Variants in SCUBE2 observed in about 807,000 individuals in gnomAD.
SCUBE2 encodes signal peptide, CUB and EGF-like domain-containing protein 2.
Under a neutral mutation model 125.9 loss-of-function variants are expected in SCUBE2, and 114 were observed. The observed-to-expected ratio is 0.91, with a 90% confidence interval of 0.78 to 1.06. The LOEUF (loss-of-function observed/expected upper bound fraction) is 1.06, where lower values mean the gene tolerates loss of function less well. SCUBE2 is among the 50% of genes least tolerant of loss of function. The pLI is 0.00. For missense variants in SCUBE2, 1,255 were observed against 1,301.8 expected (o/e 0.96, Z 0.55); for synonymous variants, 459 against 492.9 (o/e 0.93, Z 0.91).
rs1425668488 is a variant in SCUBE2 at position 9,091,268 on chromosome 11, G to A, written c.133+128C>T. On this transcript the variant is annotated intron_variant, in intron 1 of 22. Coordinates refer to ENST00000649792, the MANE Select transcript of SCUBE2 (RefSeq NM_001367977.2). The surrounding 1 kb of genome is among the most constrained non-coding windows in gnomAD (Gnocchi z 8.5). ...CGGGTGAGGTCCCGGGGGGAGCAGA[G>A]GCCCCCGCGGAGCTGCAGCCGCCAG... 1 of 602,286 alleles carries A rather than the reference G, an allele frequency of 1.7e-6. No individual in the cohort carries two copies. The highest frequency in any genetic ancestry group is 2.3e-6 in the Non-Finnish European group (1 of 427,776). 37.3% of individuals were successfully genotyped at this position (602,286 alleles called of 1,614,324 possible).
intron 4 of SCUBE2, among the ~76,000 whole-genome samples, chr11:9,073,196 G>A (rs1860949635): frequency 6.6e-6 from 1 of 152,160 alleles, no homozygotes; most frequent in South Asian, 2.1e-4. Flanking sequence ...CTCGAATTTG[G>A]CCTACATTGG....
At position 9,079,470 on chromosome 11, in the gene SCUBE2, A is replaced by G. The variant is rs1456002777; in HGVS notation, c.296T>C (p.Val99Ala). 1 of 1,614,136 alleles carries G rather than the reference A, an allele frequency of 6.2e-7. No individual in the cohort carries two copies. Among genetic ancestry groups the G allele is most frequent in the Non-Finnish European group, 8.5e-7 (1 of 1,179,988 alleles). Residue 99 changes from valine (V) to alanine (A), a missense_variant, in exon 3 of 23, where the codon GTC becomes GCC. This residue lies in a region of SCUBE2 where 362 missense variants were observed against 323.0 expected (regional missense o/e 1.12). Transcript: ENST00000649792. ...ECGNELNGGCVHDCLNIPGNY... is the reference protein window; with the variant it reads ...ECGNELNGGCAHDCLNIPGNY... ...GCCTGGAATATTCAAACAGTCATGG[A>G]CACAGCCTCCATTGAGCTCATTTCC...
In SCUBE2 at chr11:9,051,607, A is replaced by G. The variant is rs77413448; in HGVS notation, c.1535-897T>C. On this transcript the variant is annotated intron_variant, in intron 13 of 22. Transcript: ENST00000649792. ...AACCATCCGGTAGGATCTGGAGTCA[A>G]TGCCCTACAGCTCTTTTAAGTTGTG... is the stretch of plus-strand genomic sequence containing the variant. 1.4e-4 allele frequency among the ~76,000 whole-genome samples: 22 copies of G among 152,270 alleles called. No individual in the cohort carries two copies. The East Asian group carries it at 3.9e-3, about 27-fold the overall frequency.
intron 4 of SCUBE2, among the ~76,000 whole-genome samples, chr11:9,073,207 A>G (rs1860950901): frequency 6.6e-6 from 1 of 152,188 alleles, no homozygotes; most frequent in Non-Finnish European, 1.5e-5. Flanking sequence ...CCTACATTGG[A>G]CAAGAGTGCA....
chr11:9,019,911 T>G lies in SCUBE2; in HGVS notation c.*1134A>C, dbSNP rs1490310961. ...ATTCAATAACACTGAAAATTCAAGT[T>G]CAAGAAATGATCGTGAGGCCCTGCT... On this transcript the variant is annotated 3_prime_UTR_variant, in exon 23 of 23. Transcript: ENST00000649792. 6.6e-6 allele frequency among the ~76,000 whole-genome samples: 1 copy of G among 152,182 alleles called. No individual in the cohort carries two copies. The highest frequency in any genetic ancestry group is 1.5e-5 in the Non-Finnish European group (1 of 68,032).
intron 13 of SCUBE2, among the ~76,000 whole-genome samples, chr11:9,052,190 G>A (rs913710283): frequency 1.3e-5 from 2 of 152,180 alleles, no homozygotes; most frequent in Non-Finnish European, 2.9e-5. Context: ...CTTGCTTTGA[G>A]TCTCTAGCTT....
chr11:9,061,309 C>A (rs1413090583), intron 7 of SCUBE2, among the ~76,000 whole-genome samples: 3 of 152,138 alleles, frequency 2.0e-5, no homozygotes, highest in Non-Finnish European at 4.4e-5. Flanking sequence ...GTAATCCCAA[C>A]ACTTTGGGAG....
chr11:9,091,374 G>GC lies in SCUBE2; in HGVS notation c.133+21dup. The stretch of plus-strand genomic sequence containing the variant: ...TGGCCCTGCCTGCTGTGCCAGGTGC[G>GC]CCCCCGCGGCCGGACACTCACCCTC... On this transcript the variant is annotated intron_variant, in intron 1 of 22. Transcript: ENST00000649792. This position sits in a 1 kb window ranked among gnomAD's most constrained non-coding sequence, Gnocchi z 8.5. 4.6e-6 allele frequency: 6 copies of GC among 1,297,666 alleles called. No homozygotes were observed. The highest frequency in any genetic ancestry group is 3.6e-5 in the Admixed American group (1 of 28,156). 80.4% of individuals were successfully genotyped at this position (1,297,666 alleles called of 1,614,324 possible).
chr11:9,041,148 AATCTTT>A (rs1857204760), intron 16 of SCUBE2, among the ~76,000 whole-genome samples: 1 of 152,252 alleles, frequency 6.6e-6, no homozygotes, highest in Non-Finnish European at 1.5e-5. Context: ...AAATTTGTTT[AATCTTT>A]ATCTTGTTCT....
intron 2 of SCUBE2, among the ~76,000 whole-genome samples, chr11:9,085,908 C>A (rs1025541391): frequency 3.3e-5 from 5 of 151,974 alleles, no homozygotes; most frequent in African/African-American, 1.2e-4. Flanking sequence ...TCACAGCTCA[C>A]TGCAACCTCC....
intron 3 of SCUBE2, 61 bp downstream of exon 3, chr11:9,079,323 C>T: frequency 1.2e-6 from 2 of 1,601,608 alleles, no homozygotes. Flanking sequence ...AGGTCTTCAC[C>T]AAGGGAAAGA....
At chr11:9,061,166 A>G (rs575741704) in intron 7 of SCUBE2, among the ~76,000 whole-genome samples, 1 of 152,336 alleles carries the variant, frequency 6.6e-6, no homozygotes, top group South Asian at 2.1e-4. Flanking sequence ...TAGTCCAAGT[A>G]ATAGACAAGT....
chr11:9,067,980 G>A (rs1333972288), intron 5 of SCUBE2, among the ~76,000 whole-genome samples: 1 of 151,950 alleles, frequency 6.6e-6, no homozygotes, highest in East Asian at 1.9e-4. Flanking sequence ...TGGGAAAATG[G>A]TCTCCACTCT....
chr11:9,041,720 G>A (rs1030323569), intron 16 of SCUBE2, among the ~76,000 whole-genome samples: 2 of 151,556 alleles, frequency 1.3e-5, no homozygotes, highest in African/African-American at 4.9e-5. Context: ...GTATGACTAC[G>A]GCTCCTTCAA....
chr11:9,046,534 C>T (rs755965611), intron 16 of SCUBE2, among the ~76,000 whole-genome samples: 64 of 152,190 alleles, frequency 4.2e-4, no homozygotes, highest in Non-Finnish European at 4.1e-4. Context: ...GGATAGCAGA[C>T]GGGGGAGGGG....
At chr11:9,088,815 A>G (rs868406272) in intron 2 of SCUBE2, among the ~76,000 whole-genome samples, 19 of 152,334 alleles carry the variant, frequency 1.2e-4, no homozygotes, top group African/African-American at 4.6e-4. Flanking sequence ...AAAGAAGGAC[A>G]GCAGCAGGCT....
Position 9,047,523 on chromosome 11 carries a change from T to A in SCUBE2, c.1835A>T (p.Lys612Met), listed in dbSNP as rs760385818. The A allele has an allele frequency of 1.2e-6, 2 of 1,613,926 alleles. No homozygotes were observed. The highest frequency in any genetic ancestry group is 1.7e-6 in the Non-Finnish European group (2 of 1,179,986). Residue 612 changes from lysine to methionine, a missense_variant, in exon 16 of 23, where the codon AAG (lysine) becomes ATG (methionine). Coordinates refer to ENST00000649792, the MANE Select transcript of SCUBE2 (RefSeq NM_001367977.2). Reference sequence around the variant, plus strand: ...CGTGCGGATGGCTTTACGGAGCCGCTTCTCGGTTCGCTTTACGATGCAGCT... The same window carrying A: ...CGTGCGGATGGCTTTACGGAGCCGCATCTCGGTTCGCTTTACGATGCAGCT... ...DLSCIVKRTEKRLRKAIRTLR... is the reference protein window; with the variant it reads ...DLSCIVKRTEMRLRKAIRTLR...
At chr11:9,068,909 G>C (rs540659648) in intron 5 of SCUBE2, among the ~76,000 whole-genome samples, 1 of 152,326 alleles carries the variant, frequency 6.6e-6, no homozygotes, top group East Asian at 1.9e-4. Context: ...GGTTGAGTGA[G>C]AGTCCACCAC....
rs79109453 is a variant in SCUBE2, at chr11:9,063,934, C to G, written c.850+1957G>C. Among the ~76,000 whole-genome samples the G allele has an allele frequency of 8.2e-3, 1,248 of 152,046 alleles. 6 individuals are homozygous for G. Among genetic ancestry groups the G allele is most frequent in the Admixed American group, 0.018 (280 of 15,264 alleles). ...GGTAAGAGGTACTTAGAAAACTAAG[C>G]AAACAAAGAAAATATAATCATAGCA... On this transcript the variant is annotated intron_variant, in intron 7 of 22. Coordinates refer to ENST00000649792, the MANE Select transcript of SCUBE2 (RefSeq NM_001367977.2).
Sources: allele counts gnomAD v4.1 joint callset (sites outside exome capture counted in the v4.1 genomes callset), GRCh38; gene constraint gnomAD v4.1.1; regional missense constraint gnomAD v4.1.1; non-coding constraint Gnocchi (gnomAD v3.1); transcripts MANE v1.5; gene names NCBI Gene and HGNC (gene_info 2026-07-23, HGNC 2026-07-21).